Variants in PEMT observed in about 807,000 individuals in gnomAD.
The protein encoded by PEMT is phospholipid methyltransferase.
In PEMT, 23 loss-of-function variants were observed where a neutral mutation model predicts 27.4. That is an observed-to-expected ratio of 0.84 (90% CI 0.60 to 1.19). The LOEUF (loss-of-function observed/expected upper bound fraction) is 1.19, where lower values mean the gene tolerates loss of function less well. PEMT is among the 50% of genes most tolerant of loss of function. PEMT has a pLI of 0.00. For missense variants in PEMT, 307 were observed against 310.1 expected (o/e 0.99, Z 0.07); for synonymous variants, 137 against 139.1 (o/e 0.98, Z 0.11).
intron 2 of PEMT, among the ~76,000 whole-genome samples, chr17:17,566,061 T>G (rs1163319135): frequency 1.3e-5 from 2 of 152,210 alleles, no homozygotes; most frequent in Non-Finnish European, 2.9e-5. Flanking sequence ...GGGTTTTGTT[T>G]TGGGTCACCA....
intron 2 of PEMT, among the ~76,000 whole-genome samples, chr17:17,547,439 G>A (rs984598328): frequency 1.3e-5 from 2 of 152,240 alleles, no homozygotes; most frequent in Non-Finnish European, 2.9e-5. Context: ...CAAAGAACAG[G>A]GTGCTGGGAG....
chr17:17,580,451 T>C (rs965723558), intron 1 of PEMT, among the ~76,000 whole-genome samples: 37 of 151,788 alleles, frequency 2.4e-4, no homozygotes, highest in African/African-American at 7.8e-4. Context: ...CACTCCAGCC[T>C]GGGTGACAGA....
chr17:17,552,099 G>A (rs1909693800), intron 2 of PEMT, among the ~76,000 whole-genome samples: 1 of 152,182 alleles, frequency 6.6e-6, no homozygotes, highest in South Asian at 2.1e-4. Flanking sequence ...CTACTTGGTA[G>A]GCTGAGGCAG....
At position 17,580,450 on chromosome 17, in the gene PEMT, C is replaced by A. The variant is rs567320720; in HGVS notation, c.97-3423G>T. Among the ~76,000 whole-genome samples, 219 of 152,062 alleles carry A rather than the reference C, an allele frequency of 1.4e-3. 1 individual carries two copies. Among genetic ancestry groups the A allele is most frequent in the Middle Eastern group, 6.8e-3 (2 of 294 alleles). On this transcript the variant is annotated intron_variant, in intron 1 of 6. Transcript: ENST00000255389. Reference sequence around the variant, plus strand: ...CAAGATTGTCCCACTGCACTCCAGCCTGGGTGACAGAACGAGACTCCGTCT... The same window carrying A: ...CAAGATTGTCCCACTGCACTCCAGCATGGGTGACAGAACGAGACTCCGTCT...
chr17:17,591,423 G>A lies in PEMT; in HGVS notation c.96+108C>T, dbSNP rs576529045. 462 of 945,370 alleles carry A rather than the reference G, an allele frequency of 4.9e-4. 1 individual carries two copies. The highest frequency in any genetic ancestry group is 6.6e-4 in the Admixed American group (24 of 36,136). 58.6% of individuals were successfully genotyped at this position (945,370 alleles called of 1,614,324 possible). On this transcript the variant is annotated intron_variant, in intron 1 of 6. Transcript: ENST00000255389. Reference sequence around the variant, plus strand: ...GCCACGCCACGCCCCCATTGCCTGGGAACTGGCGGCCCCGCCCCGCAGCGT... The same window carrying A: ...GCCACGCCACGCCCCCATTGCCTGGAAACTGGCGGCCCCGCCCCGCAGCGT...
intron 1 of PEMT, chr17:17,577,561 C>G (rs927248182): frequency 2.0e-6 from 2 of 987,898 alleles, no homozygotes; most frequent in Non-Finnish European, 2.4e-6. Flanking sequence ...CCACGCCACC[C>G]GCATACGGGG....
intron 5 of PEMT, chr17:17,508,805 C>T (rs1238499287): frequency 2.2e-6 from 1 of 463,110 alleles, no homozygotes; most frequent in Admixed American, 2.4e-5. Context: ...GGCACGGGGC[C>T]CCCTCTGTGG....
intron 2 of PEMT, among the ~76,000 whole-genome samples, chr17:17,530,855 T>C (rs1323337362): frequency 2.6e-5 from 4 of 152,130 alleles, no homozygotes; most frequent in Admixed American, 2.0e-4. Flanking sequence ...TCATGATTTA[T>C]TTCTATTTCT....
chr17:17,586,249 AAAG>A (rs1912269406), intron 1 of PEMT, among the ~76,000 whole-genome samples: 1 of 109,950 alleles, frequency 9.1e-6, no homozygotes, highest in Non-Finnish European at 1.8e-5. Context: ...AGAAAGAAAG[AAAG>A]AAAGAAAGAA....
intron 2 of PEMT, among the ~76,000 whole-genome samples, chr17:17,555,710 C>T (rs1910003886): frequency 6.6e-6 from 1 of 152,230 alleles, no homozygotes; most frequent in Non-Finnish European, 1.5e-5. Context: ...ACCACTAAAG[C>T]CTGTCACGAT....
chr17:17,571,200 G>T (rs908302159), intron 2 of PEMT, among the ~76,000 whole-genome samples: 1 of 152,056 alleles, frequency 6.6e-6, no homozygotes, highest in African/African-American at 2.4e-5. Context: ...CACACACAGT[G>T]CCTGGTGCAT....
chr17:17,517,154 A>C, intron 3 of PEMT, among the ~76,000 whole-genome samples: 1 of 152,152 alleles, frequency 6.6e-6, no homozygotes. Flanking sequence ...GGGTGAGCTC[A>C]CACCCAGCAG....
At position 17,512,646 on chromosome 17, in the gene PEMT, TGCGTGAA is replaced by T. The variant is rs1906505775; in HGVS notation, c.322_328del (p.Phe108ArgfsTer4). The T allele has an allele frequency of 2.0e-6, 3 of 1,532,920 alleles. No homozygotes were observed. The highest frequency in any genetic ancestry group is 2.6e-6 in the Non-Finnish European group (3 of 1,133,042). 95.0% of individuals were successfully genotyped at this position (1,532,920 alleles called of 1,614,324 possible). On this transcript the variant is annotated frameshift_variant and splice_region_variant, in exon 4 of 7. Coordinates refer to ENST00000255389, the MANE Select transcript of PEMT (RefSeq NM_148172.3). LOFTEE classifies it high-confidence loss of function. The surrounding 1 kb of genome is among the most constrained non-coding windows in gnomAD (Gnocchi z 6.3). ...CATCCTGGGCTGGCTCAGCATGGCC[TGCGTGAA>T]GCTGTGGGCAGGGGATGGAGAGGGA...
chr17:17,516,016 C>G (rs1371524367), intron 3 of PEMT, among the ~76,000 whole-genome samples: 1 of 152,216 alleles, frequency 6.6e-6, no homozygotes, highest in Non-Finnish European at 1.5e-5. Flanking sequence ...GGGCCACACA[C>G]CAGGCCAGAG....
chr17:17,542,947 G>A (rs888644602), intron 2 of PEMT, among the ~76,000 whole-genome samples: 1 of 152,216 alleles, frequency 6.6e-6, no homozygotes, highest in East Asian at 1.9e-4. Flanking sequence ...GAGGCTGGAA[G>A]GGGCATGGGG....
intron 5 of PEMT, chr17:17,508,701 C>A (rs750552007): frequency 1.3e-5 from 6 of 445,796 alleles, no homozygotes; most frequent in Non-Finnish European, 2.8e-5. Flanking sequence ...CATCCTTGAC[C>A]GCAGGTCCTC....
intron 2 of PEMT, among the ~76,000 whole-genome samples, chr17:17,551,755 T>C (rs1358513296): frequency 2.0e-5 from 3 of 152,194 alleles, no homozygotes; most frequent in African/African-American, 7.2e-5. Context: ...GCGCAGGGCA[T>C]GAGGGCCGTG....
chr17:17,591,898 T>A, upstream of PEMT: 3 of 985,436 alleles, frequency 3.0e-6, no homozygotes, highest in South Asian at 1.4e-4. Context: ...CGTAGCAGTA[T>A]CCCCTTGGAT....
rs1050260576 is a variant in PEMT, at chr17:17,513,946, C to G, written c.321-1292G>C. Among the ~76,000 whole-genome samples, 1 of 152,300 alleles carries G rather than the reference C, an allele frequency of 6.6e-6. No homozygotes were observed. Among genetic ancestry groups the G allele is most frequent in the East Asian group, 1.9e-4 (1 of 5,188 alleles). ...GCGCCTTTCACACCCAGTCTGTAGA[C>G]GGCATCTCCCAGCAGGGCCAGCTTA... On this transcript the variant is annotated intron_variant, in intron 3 of 6. Transcript: ENST00000255389. The surrounding 1 kb of genome is among the most constrained non-coding windows in gnomAD (Gnocchi z 4.1).
Sources: gnomAD v4.1 joint callset for allele counts (sites outside exome capture counted in the v4.1 genomes callset) on GRCh38, gnomAD v4.1.1 for gene constraint, Gnocchi (gnomAD v3.1) non-coding constraint, MANE v1.5 for transcripts, NCBI Gene and HGNC (gene_info 2026-07-23, HGNC 2026-07-21) for gene names.